The following CFAP97D2 variants were observed in gnomAD, a reference collection of about 807,000 sequenced individuals.
CFAP97D2 encodes CFAP97 domain containing 2, also known as uncharacterized protein CFAP97D2.
chr13:114,192,230 A>T (rs552243824), intron 1 of CFAP97D2, among the ~76,000 whole-genome samples: 1 of 152,298 alleles, frequency 6.6e-6, no homozygotes, highest in Admixed American at 6.5e-5. Flanking sequence ...TATGGGTTTT[A>T]GGTAATTATG....
intron 1 of CFAP97D2, among the ~76,000 whole-genome samples, chr13:114,192,028 A>C (rs1336974021): frequency 7.8e-6 from 1 of 127,936 alleles, no homozygotes; most frequent in East Asian, 2.6e-4. Flanking sequence ...GGAAAAGGCA[A>C]AGTTTACTAT....
chr13:114,217,562 G>A (rs932557347), intron 4 of CFAP97D2, among the ~76,000 whole-genome samples: 2 of 152,162 alleles, frequency 1.3e-5, no homozygotes, highest in African/African-American at 2.4e-5. Flanking sequence ...GCCTGGCAGA[G>A]ACACAACAAA....
Position 114,211,829 on chromosome 13 carries a change from G to A in CFAP97D2, c.291-83G>A, listed in dbSNP as rs952697145. 5.0e-6 allele frequency: 2 copies of A among 397,910 alleles called. No individual in the cohort carries two copies. The highest frequency in any genetic ancestry group is 8.8e-6 in the Non-Finnish European group (2 of 226,078). The allele number at this position is 397,910 out of a possible 1,614,324, so 24.6% of individuals were successfully genotyped here. Reference sequence around the variant, plus strand: ...ACCCTCCACCCCGGGACCCCTTCCTGCTCTGGAGCCTGTTGGCCCTGTGGA... The same window carrying A: ...ACCCTCCACCCCGGGACCCCTTCCTACTCTGGAGCCTGTTGGCCCTGTGGA... On this transcript the variant is annotated intron_variant, in intron 3 of 4. Transcript: ENST00000646158. The surrounding 1 kb of genome is among the most constrained non-coding windows in gnomAD (Gnocchi z 4.2).
chr13:114,214,922 T>C (rs1270783819), intron 4 of CFAP97D2, among the ~76,000 whole-genome samples: 1 of 152,030 alleles, frequency 6.6e-6, no homozygotes, highest in Non-Finnish European at 1.5e-5. Context: ...CTTAATTTAT[T>C]TAATCAGTCC....
chr13:114,209,647 C>T lies in CFAP97D2; in HGVS notation c.291-2265C>T, dbSNP rs1037944825. On this transcript the variant is annotated intron_variant, in intron 3 of 4. Coordinates refer to ENST00000646158, the Ensembl canonical transcript of CFAP97D2. ...CATTCTGTGCTCGTTCTGGCTCCAC[C>T]GTTGTGTCTTCCTTTACCACGGGCA... is the stretch of plus-strand genomic sequence containing the variant. Among the ~76,000 whole-genome samples the T allele has an allele frequency of 7.2e-5, 11 of 152,248 alleles. No individual in the cohort carries two copies. In the East Asian group the frequency reaches 1.9e-3, roughly 27 times the overall value.
rs556907148 is a variant in CFAP97D2, at chr13:114,182,467, T to C, written c.90+3047T>C. Among the ~76,000 whole-genome samples, 577 of 151,810 alleles carry C rather than the reference T, an allele frequency of 3.8e-3. 6 individuals carry two copies. Among genetic ancestry groups the C allele is most frequent in the African/African-American group, 0.013 (532 of 41,302 alleles). ...GCAAGAGGCCTTCCTCTTTTACTAA[T>C]CCACCTCAGCACAGACCCTTTACCG... is the stretch of plus-strand genomic sequence containing the variant. On this transcript the variant is annotated intron_variant, in intron 1 of 4. Coordinates refer to ENST00000646158, the Ensembl canonical transcript of CFAP97D2.
At chr13:114,217,248 C>A (rs890889740) in intron 4 of CFAP97D2, among the ~76,000 whole-genome samples, 1 of 152,204 alleles carries the variant, frequency 6.6e-6, no homozygotes, top group Non-Finnish European at 1.5e-5. Context: ...ATACTATAAA[C>A]ACCTCTACGC....
intron 1 of CFAP97D2, among the ~76,000 whole-genome samples, chr13:114,182,669 A>G (rs1436454027): frequency 6.6e-6 from 1 of 152,170 alleles, no homozygotes; most frequent in African/African-American, 2.4e-5. Flanking sequence ...GACTTTTACC[A>G]AGTATACTGC....
At chr13:114,190,709 G>A (rs2080866412) in intron 1 of CFAP97D2, among the ~76,000 whole-genome samples, 1 of 152,148 alleles carries the variant, frequency 6.6e-6, no homozygotes, top group Non-Finnish European at 1.5e-5. Flanking sequence ...TTTCCAATTT[G>A]ATCTATAGAT....
At chr13:114,198,389 GA>G (rs1477007035) in intron 2 of CFAP97D2, among the ~76,000 whole-genome samples, 3 of 152,180 alleles carry the variant, frequency 2.0e-5, no homozygotes, top group African/African-American at 7.2e-5. Context: ...CGACCACTTG[GA>G]AGCCTAAAAC....
chr13:114,194,877 T>C (rs1317332455), intron 1 of CFAP97D2, among the ~76,000 whole-genome samples: 3 of 152,230 alleles, frequency 2.0e-5, no homozygotes, highest in Admixed American at 2.0e-4. Flanking sequence ...TATCTGGAGC[T>C]TGAAGAAACT....
chr13:114,213,785 C>G (rs1382405195), intron 4 of CFAP97D2, among the ~76,000 whole-genome samples: 56 of 150,006 alleles, frequency 3.7e-4, no homozygotes, highest in Non-Finnish European at 8.9e-5. Context: ...CAGACCCCAC[C>G]CCTGGACAAG....
chr13:114,196,328 G>A (rs1288744607), intron 1 of CFAP97D2, 68 bp from the exon 2 acceptor site: 15 of 399,094 alleles, frequency 3.8e-5, no homozygotes, highest in Middle Eastern at 6.2e-4. Context: ...AGACCCCAGA[G>A]CAGCACAATC....
chr13:114,219,419 G>A (rs2081010313), intron 4 of CFAP97D2, among the ~76,000 whole-genome samples: 1 of 152,136 alleles, frequency 6.6e-6, no homozygotes. Context: ...TGTCAAGACA[G>A]TGCTTGCAAC....
intron 1 of CFAP97D2, among the ~76,000 whole-genome samples, chr13:114,183,260 G>C (rs887395723): frequency 6.6e-6 from 1 of 152,036 alleles, no homozygotes; most frequent in Non-Finnish European, 1.5e-5. Flanking sequence ...TCTGCCTCCC[G>C]GGTTCCAGCG....
chr13:114,199,141 C>G (rs868541367), intron 2 of CFAP97D2, among the ~76,000 whole-genome samples: 134 of 33,492 alleles, frequency 4.0e-3, no homozygotes, highest in African/African-American at 0.011. Context: ...CCCACTGAGG[C>G]GTGACGGCGC....
At chr13:114,196,429 G>A (rs183891635) in exon 2 of CFAP97D2, 118 of 399,638 alleles carry the variant, frequency 3.0e-4, no homozygotes, top group African/African-American at 2.3e-3. Flanking sequence ...AGACACCCGC[G>A]CCCCGCTGAC....
chr13:114,198,556 C>T (rs1015193107), intron 2 of CFAP97D2, among the ~76,000 whole-genome samples: 17 of 152,272 alleles, frequency 1.1e-4, no homozygotes, highest in African/African-American at 4.1e-4. Flanking sequence ...GATAGTGCCT[C>T]GCCTCAGTGT....
intron 3 of CFAP97D2, among the ~76,000 whole-genome samples, chr13:114,209,251 C>A (rs954697447): frequency 6.6e-6 from 1 of 152,230 alleles, no homozygotes; most frequent in Admixed American, 6.5e-5. Context: ...TAATTTGCTC[C>A]AGTGAAACTT....
Sources: allele counts gnomAD v4.1 joint callset (sites outside exome capture counted in the v4.1 genomes callset), GRCh38; gene constraint gnomAD v4.1.1; non-coding constraint Gnocchi (gnomAD v3.1); transcripts MANE v1.5; gene names NCBI Gene and HGNC (gene_info 2026-07-23, HGNC 2026-07-21).